BANF2: variants seen among roughly 807,000 people sequenced by gnomAD.
BANF2 encodes BANF family member 2.
Under a neutral mutation model 8.0 loss-of-function variants are expected in BANF2, and 4 were observed. The observed-to-expected ratio is 0.50, with a 90% CI of 0.25 to 1.14. The LOEUF (loss-of-function observed/expected upper bound fraction) is 1.14. Among genes scored for constraint, BANF2 ranks in the 50% most tolerant of loss-of-function variants. The pLI is 0.16. For synonymous variants in BANF2, 50 were observed against 40.6 expected, an observed-to-expected ratio of 1.23 and a Z score of -0.88; for missense variants, 96 against 107.5, an observed-to-expected ratio of 0.89 and a Z score of 0.47.
At chr20:17,712,639 C>T in intron 1 of BANF2, 1 of 724,776 alleles carries the variant, frequency 1.4e-6, no homozygotes, top group South Asian at 6.2e-5. Flanking sequence ...AGCCTTCTTC[C>T]TCTTTCTAGA....
rs143241288 is a variant in BANF2, at chr20:17,724,171, A to G, written c.-3-852A>G. 2.5e-4 allele frequency among the ~76,000 whole-genome samples: 38 copies of G among 152,232 alleles called. 1 individual carries two copies. The East Asian group carries it at 3.5e-3, about 14-fold the overall frequency. On this transcript the variant is annotated intron_variant, in intron 2 of 3. Coordinates refer to ENST00000246090, the MANE Select transcript of BANF2 (RefSeq NM_178477.5). ...CTTCATTAAGGTCCTAGGAGACTCA[A>G]CTCCTGGGAGATGGTGGTCCATTTA...
At chr20:17,693,789 G>A (rs777992178) in intron 1 of BANF2, 9 of 1,477,996 alleles carry the variant, frequency 6.1e-6, no homozygotes, top group Non-Finnish European at 8.3e-6. Context: ...CACCTGGCTA[G>A]GAGAGGTGTG....
chr20:17,731,750 G>A (rs1268488779), intron 3 of BANF2, among the ~76,000 whole-genome samples: 2 of 81,224 alleles, frequency 2.5e-5, no homozygotes, highest in Non-Finnish European at 4.3e-5. Flanking sequence ...ATGAGATCCC[G>A]TCTCTTAGGA....
At chr20:17,707,572 CTA>C (rs761040114) in intron 1 of BANF2, among the ~76,000 whole-genome samples, 2 of 150,794 alleles carry the variant, frequency 1.3e-5, no homozygotes, top group Non-Finnish European at 1.5e-5. Flanking sequence ...TGACCTGATC[CTA>C]TATATATATA....
intron 1 of BANF2, among the ~76,000 whole-genome samples, chr20:17,706,501 A>C (rs1157649230): frequency 6.6e-6 from 1 of 152,208 alleles, no homozygotes; most frequent in Non-Finnish European, 1.5e-5. Flanking sequence ...AAACTGTCTA[A>C]GCCCCCATTT....
chr20:17,718,476 G>A (rs1024516210), intron 1 of BANF2, among the ~76,000 whole-genome samples: 11 of 152,146 alleles, frequency 7.2e-5, no homozygotes, highest in African/African-American at 2.4e-4. Context: ...CGCCCAGCCT[G>A]CATTGTAGAA....
intron 1 of BANF2, among the ~76,000 whole-genome samples, chr20:17,717,325 G>T (rs1047100525): frequency 1.3e-5 from 2 of 152,062 alleles, no homozygotes; most frequent in Non-Finnish European, 2.9e-5. Flanking sequence ...GGGCATAGGG[G>T]TGGGTGCTCT....
chr20:17,710,859 G>C (rs2037560324), intron 1 of BANF2, among the ~76,000 whole-genome samples: 1 of 151,614 alleles, frequency 6.6e-6, no homozygotes, highest in Non-Finnish European at 1.5e-5. Flanking sequence ...GACCCTTGCA[G>C]TTCCCGCAGC....
chr20:17,729,183 C>A (rs539243961), intron 3 of BANF2, among the ~76,000 whole-genome samples: 7 of 152,186 alleles, frequency 4.6e-5, no homozygotes, highest in African/African-American at 1.7e-4. Context: ...CAATGAGGCT[C>A]GCTGTGCCTG....
chr20:17,696,158 G>T (rs1302690978), upstream of BANF2, among the ~76,000 whole-genome samples: 1 of 152,030 alleles, frequency 6.6e-6, no homozygotes, highest in Non-Finnish European at 1.5e-5. Flanking sequence ...ATCTTTTTAT[G>T]GACATGTTTT....
At chr20:17,693,960 G>T (rs1387974768) in intron 1 of BANF2, among the ~76,000 whole-genome samples, 1 of 152,248 alleles carries the variant, frequency 6.6e-6, no homozygotes, top group African/African-American at 2.4e-5. Flanking sequence ...CGACGGGCAC[G>T]TCTTGGACGG....
At chr20:17,707,643 G>A (rs1014824479) in intron 1 of BANF2, among the ~76,000 whole-genome samples, 3 of 151,900 alleles carry the variant, frequency 2.0e-5, no homozygotes, top group Non-Finnish European at 2.9e-5. Flanking sequence ...GCAATGGCAC[G>A]ATCTCGGCTC....
At position 17,722,898 on chromosome 20, in the gene BANF2, C is replaced by T. The variant is rs1451720706; in HGVS notation, c.-4+20C>T. On this transcript the variant is annotated intron_variant, in intron 2 of 3. Coordinates refer to ENST00000246090, the MANE Select transcript of BANF2 (RefSeq NM_178477.5). ...AGAAAGGTCTGGAGGAGGATGGGGACAGGAGAGGGGATGGGGCTGTGAAAG... is the reference window on the plus strand; with the variant it reads ...AGAAAGGTCTGGAGGAGGATGGGGATAGGAGAGGGGATGGGGCTGTGAAAG... 1 of 981,596 alleles carries T rather than the reference C, an allele frequency of 1.0e-6. No individual in the cohort carries two copies. Among genetic ancestry groups the T allele is most frequent in the Non-Finnish European group, 1.2e-6 (1 of 826,604 alleles). The allele number at this position is 981,596 out of a possible 1,614,324, so 60.8% of individuals were successfully genotyped here.
At chr20:17,726,259 C>T (rs527775520) in intron 3 of BANF2, among the ~76,000 whole-genome samples, 2 of 152,266 alleles carry the variant, frequency 1.3e-5, no homozygotes, top group Non-Finnish European at 1.5e-5. Context: ...CATCTCGGCT[C>T]ACTGCAACCT....
upstream of BANF2, among the ~76,000 whole-genome samples, chr20:17,698,067 A>G (rs927048692): frequency 3.9e-5 from 6 of 151,906 alleles, no homozygotes; most frequent in African/African-American, 1.5e-4. Context: ...ATTAGCTGGG[A>G]GTGGTGGTGG....
At chr20:17,711,233 CT>C (rs1234871231) in intron 1 of BANF2, among the ~76,000 whole-genome samples, 6 of 152,266 alleles carry the variant, frequency 3.9e-5, no homozygotes, top group Admixed American at 2.0e-4. Flanking sequence ...TGTGGAGCCA[CT>C]TGCCTGCCCC....
At chr20:17,722,022 C>G (rs888317603) in intron 1 of BANF2, among the ~76,000 whole-genome samples, 2 of 152,230 alleles carry the variant, frequency 1.3e-5, no homozygotes, top group African/African-American at 4.8e-5. Flanking sequence ...TGTGACAACT[C>G]AAGTGTCTCT....
Position 17,708,046 on chromosome 20 carries a change from C to CAAAAAAAAA in BANF2, c.-167+8004_-167+8012dup, listed in dbSNP as rs1491179991. ...GTGAAACCCTGTCTCTACTAAAAAT[C>CAAAAAAAAA]AAAAAAAAAAAAAAAAAAAAACCAA... On this transcript the variant is annotated intron_variant, in intron 1 of 3. Transcript: ENST00000246090. Among the ~76,000 whole-genome samples, 80 of 111,412 alleles carry CAAAAAAAAA rather than the reference C, an allele frequency of 7.2e-4. 1 individual carries two copies. The highest frequency in any genetic ancestry group is 1.3e-3 in the East Asian group (4 of 3,166). 73.1% of individuals were successfully genotyped at this position (111,412 alleles called of 152,430 possible).
At chr20:17,700,954 G>C (rs1383423988) in intron 1 of BANF2, among the ~76,000 whole-genome samples, 2 of 152,336 alleles carry the variant, frequency 1.3e-5, no homozygotes, top group South Asian at 4.1e-4. Context: ...TCCCACAAAG[G>C]AGTGGCTTCT....
Sources: allele counts gnomAD v4.1 joint callset (sites outside exome capture counted in the v4.1 genomes callset), GRCh38; gene constraint gnomAD v4.1.1; transcripts MANE v1.5; gene names NCBI Gene and HGNC (gene_info 2026-07-23, HGNC 2026-07-21).